The following NRXN3 variants were observed in gnomAD, a reference collection of about 807,000 sequenced individuals.
NRXN3 encodes the protein neurexin 3.
Under a neutral mutation model 137.6 loss-of-function variants are expected in NRXN3, and 32 were observed. That is an observed-to-expected ratio of 0.23 (90% CI 0.18 to 0.31). The LOEUF (loss-of-function observed/expected upper bound fraction) is 0.31. NRXN3 is among the 10% of genes least tolerant of loss of function. The pLI is 1.00. For missense variants in NRXN3, 1,574 were observed against 2,062.5 expected (o/e 0.76, Z 4.59); for synonymous variants, 798 against 784.5 (o/e 1.02, Z -0.29).
intron 1 of NRXN3, among the ~76,000 whole-genome samples, chr14:78,176,112 C>T (rs1285816772): frequency 3.3e-5 from 5 of 152,110 alleles, no homozygotes. Context: ...GCACTTGTGG[C>T]CTGTCTTCTG....
intron 8 of NRXN3, among the ~76,000 whole-genome samples, chr14:78,716,252 T>C (rs2152852430): frequency 6.6e-6 from 1 of 152,316 alleles, no homozygotes; most frequent in Admixed American, 6.5e-5. Context: ...GTCAAGCTAT[T>C]TGCAGATTGC....
At chr14:79,039,989 C>T (rs2099622517) in intron 15 of NRXN3, among the ~76,000 whole-genome samples, 1 of 152,156 alleles carries the variant, frequency 6.6e-6, no homozygotes, top group African/African-American at 2.4e-5. Context: ...TAGGCCTGAG[C>T]CATCTTTTCA....
chr14:78,179,239 A>G lies in NRXN3; in HGVS notation c.-704+8565A>G, dbSNP rs138115896. On this transcript the variant is annotated intron_variant, in intron 1 of 20. Coordinates refer to ENST00000335750, the MANE Select transcript of NRXN3 (RefSeq NM_001330195.2). ...TGCTGCCTAGATACAGGCAGGGAGG[A>G]TGCACAGAGGGAATGAGCGGGATCC... 1.2e-3 allele frequency among the ~76,000 whole-genome samples: 180 copies of G among 152,094 alleles called. 2 individuals carry two copies. Among genetic ancestry groups the G allele is most frequent in the Non-Finnish European group, 1.1e-3 (72 of 67,982 alleles).
intron 4 of NRXN3, among the ~76,000 whole-genome samples, chr14:78,352,108 A>ACCTACT (rs1444101765): frequency 6.6e-6 from 1 of 150,648 alleles, no homozygotes; most frequent in Non-Finnish European, 1.5e-5. Context: ...AAAAAAAAAA[A>ACCTACT]GATAGCAGGC....
chr14:79,244,064 G>A (rs17108987), intron 15 of NRXN3, among the ~76,000 whole-genome samples: 5 of 152,134 alleles, frequency 3.3e-5, no homozygotes, highest in East Asian at 1.9e-4. Context: ...TGGCTCTATC[G>A]TTTGATGATT....
chr14:78,246,667 A>G (rs1176684224), intron 2 of NRXN3, among the ~76,000 whole-genome samples: 2 of 152,210 alleles, frequency 1.3e-5, no homozygotes, highest in East Asian at 3.8e-4. Flanking sequence ...AGACTATTAG[A>G]AAATAACCGT....
chr14:79,774,476 G>C (rs557282544), intron 19 of NRXN3, among the ~76,000 whole-genome samples: 1 of 152,132 alleles, frequency 6.6e-6, no homozygotes, highest in African/African-American at 2.4e-5. Flanking sequence ...ATTTCCCTAG[G>C]AGTCTGAGAA....
intron 6 of NRXN3, among the ~76,000 whole-genome samples, chr14:78,690,980 C>T (rs768650518): frequency 3.3e-5 from 5 of 152,116 alleles, no homozygotes; most frequent in Middle Eastern, 3.4e-3. Flanking sequence ...TCATCAGATG[C>T]GTGGGGGAAG....
At position 79,242,646 on chromosome 14, in the gene NRXN3, C is replaced by T. The variant is rs567927377; in HGVS notation, c.3263-224575C>T. On this transcript the variant is annotated intron_variant, in intron 15 of 20. Coordinates refer to ENST00000335750, the MANE Select transcript of NRXN3 (RefSeq NM_001330195.2). The stretch of plus-strand genomic sequence containing the variant: ...TGCTTAAGTGTACTAATGGCATCTG[C>T]TCTCAGCTCTGTGTTTTTCCTCTCT... Among the ~76,000 whole-genome samples, 20 of 152,252 alleles carry T rather than the reference C, an allele frequency of 1.3e-4. No individual in the cohort carries two copies. The East Asian group carries it at 2.3e-3, about 18-fold the overall frequency.
chr14:78,468,027 A>T (rs1379624258), intron 4 of NRXN3, among the ~76,000 whole-genome samples: 1 of 152,036 alleles, frequency 6.6e-6, no homozygotes, highest in Non-Finnish European at 1.5e-5. Flanking sequence ...AGGTTCAAGC[A>T]ATTCTCCTGC....
At chr14:78,790,550 T>A (rs2098802216) in intron 8 of NRXN3, among the ~76,000 whole-genome samples, 1 of 152,170 alleles carries the variant, frequency 6.6e-6, no homozygotes, top group Non-Finnish European at 1.5e-5. Context: ...CATTCTTGCA[T>A]AGATTTGCAT....
At chr14:79,589,063 T>A (rs2097782788) in intron 16 of NRXN3, among the ~76,000 whole-genome samples, 1 of 152,140 alleles carries the variant, frequency 6.6e-6, no homozygotes, top group South Asian at 2.1e-4. Flanking sequence ...GAGACTAGCC[T>A]GGGCAACATG....
At chr14:78,822,330 A>T (rs916034498) in intron 10 of NRXN3, among the ~76,000 whole-genome samples, 18 of 152,130 alleles carry the variant, frequency 1.2e-4, no homozygotes, top group Non-Finnish European at 4.4e-5. Context: ...TTTAATCTTC[A>T]CCACAATCTT....
Position 79,862,057 on chromosome 14 carries a change from T to A in NRXN3, c.*93T>A, listed in dbSNP as rs1429975659. 9.1e-7 allele frequency: 1 copy of A among 1,097,116 alleles called. No individual in the cohort carries two copies. The highest frequency in any genetic ancestry group is 2.6e-5 in the East Asian group (1 of 38,694). 68.0% of individuals were successfully genotyped at this position (1,097,116 alleles called of 1,614,324 possible). ...GGTGAGATCTCACAGATGTCAGAAC[T>A]GCTGGAACTATGAAATGGGGTATAT... is the stretch of plus-strand genomic sequence containing the variant. On this transcript the variant is annotated 3_prime_UTR_variant, in exon 21 of 21. Coordinates refer to ENST00000335750, the MANE Select transcript of NRXN3 (RefSeq NM_001330195.2).
At chr14:78,642,858 G>A (rs891171331) in intron 4 of NRXN3, among the ~76,000 whole-genome samples, 6 of 152,140 alleles carry the variant, frequency 3.9e-5, no homozygotes, top group Non-Finnish European at 8.8e-5. Flanking sequence ...TATTATTTTT[G>A]GGGGGCTATT....
chr14:78,375,257 C>T (rs1208374680), intron 4 of NRXN3, among the ~76,000 whole-genome samples: 1 of 152,210 alleles, frequency 6.6e-6, no homozygotes, highest in Non-Finnish European at 1.5e-5. Context: ...GTAGGAAAAA[C>T]TTTGCCTCTT....
intron 10 of NRXN3, among the ~76,000 whole-genome samples, chr14:78,915,027 A>G (rs962657272): frequency 2.6e-5 from 4 of 152,138 alleles, no homozygotes; most frequent in Non-Finnish European, 4.4e-5. Context: ...AAATTCAAAG[A>G]TATTGAGATA....
intron 15 of NRXN3, among the ~76,000 whole-genome samples, chr14:79,171,381 T>C (rs760128583): frequency 6.6e-6 from 1 of 152,158 alleles, no homozygotes; most frequent in Non-Finnish European, 1.5e-5. Flanking sequence ...AGTACGTGTA[T>C]ACAGTAGTTG....
intron 16 of NRXN3, among the ~76,000 whole-genome samples, chr14:79,548,444 G>A (rs888799609): frequency 1.3e-5 from 2 of 152,110 alleles, no homozygotes; most frequent in Non-Finnish European, 2.9e-5. Context: ...ATCATTGATA[G>A]ACATTTGGGT....
Sources: gnomAD v4.1 joint callset for allele counts (sites outside exome capture counted in the v4.1 genomes callset) on GRCh38, gnomAD v4.1.1 for gene constraint, MANE v1.5 for transcripts, NCBI Gene and HGNC (gene_info 2026-07-23, HGNC 2026-07-21) for gene names.